The following WDPCP variants were observed in gnomAD, a reference collection of about 807,000 sequenced individuals.
The protein encoded by WDPCP is WD repeat-containing and planar cell polarity effector protein fritz homolog.
In WDPCP, 71 loss-of-function variants were observed where a neutral mutation model predicts 93.1. The ratio of observed to expected loss-of-function variants is 0.76; its 90% CI spans 0.63 to 0.93. The LOEUF is 0.93. Ranked by LOEUF, WDPCP falls within the 40% of genes least tolerant of loss-of-function variation. The pLI is 0.00. For missense variants in WDPCP, 844 were observed against 887.4 expected, an observed-to-expected ratio of 0.95 and a Z score of 0.62; for synonymous variants, 315 against 315.0, an observed-to-expected ratio of 1.00 and a Z score of 0.00.
chr2:63,428,017 T>C (rs756284163), intron 9 of WDPCP, among the ~76,000 whole-genome samples: 12 of 151,916 alleles, frequency 7.9e-5, no homozygotes, highest in African/African-American at 4.8e-5. Flanking sequence ...CCCCTCAAGA[T>C]TGAACCAGAA....
intron 17 of WDPCP, among the ~76,000 whole-genome samples, chr2:63,130,725 T>C (rs1670236333): frequency 6.6e-6 from 1 of 152,042 alleles, no homozygotes; most frequent in African/African-American, 2.4e-5. Flanking sequence ...GTCTGTAGTG[T>C]TTTTCAAGTC....
chr2:63,280,486 G>T (rs2104929486), intron 13 of WDPCP, among the ~76,000 whole-genome samples: 1 of 152,064 alleles, frequency 6.6e-6, no homozygotes, highest in Admixed American at 6.6e-5. Context: ...TTTGGGTGGG[G>T]ACACAGCCAA....
intron 2 of WDPCP, among the ~76,000 whole-genome samples, chr2:63,689,790 C>T (rs1370387389): frequency 1.3e-5 from 2 of 152,140 alleles, no homozygotes; most frequent in Non-Finnish European, 2.9e-5. Flanking sequence ...GTGCATAATT[C>T]AGCTGCTCAG....
intron 3 of WDPCP, chr2:63,622,328 C>T (rs1709751035): frequency 1.3e-6 from 2 of 1,597,766 alleles, no homozygotes; most frequent in South Asian, 2.2e-5. Flanking sequence ...CGCCTTGCAG[C>T]TTAGTCAAGA....
chr2:63,142,457 T>C (rs1356663620), intron 17 of WDPCP, among the ~76,000 whole-genome samples: 1 of 152,206 alleles, frequency 6.6e-6, no homozygotes, highest in Non-Finnish European at 1.5e-5. Flanking sequence ...AAGGTTCCTT[T>C]TGGAGTTGAT....
upstream of WDPCP, among the ~76,000 whole-genome samples, chr2:63,828,598 A>T (rs990319252): frequency 4.6e-5 from 7 of 152,112 alleles, no homozygotes; most frequent in Non-Finnish European, 7.4e-5. Flanking sequence ...TTTTAGGCAG[A>T]TGAGGTTTTC....
intron 2 of WDPCP, among the ~76,000 whole-genome samples, chr2:63,708,285 C>G (rs1169755844): frequency 6.6e-6 from 1 of 152,226 alleles, no homozygotes; most frequent in East Asian, 1.9e-4. Flanking sequence ...ACAGTTTGAG[C>G]TTCCCGGCCG....
At chr2:63,668,332 AAC>A (rs1383776852) in intron 2 of WDPCP, among the ~76,000 whole-genome samples, 6 of 152,196 alleles carry the variant, frequency 3.9e-5, no homozygotes, top group Admixed American at 3.9e-4. Flanking sequence ...TGGAGAAGAC[AAC>A]AAAAAAGATT....
chr2:63,425,878 C>T (rs1232262813), intron 9 of WDPCP, among the ~76,000 whole-genome samples: 1 of 152,122 alleles, frequency 6.6e-6, no homozygotes, highest in Non-Finnish European at 1.5e-5. Flanking sequence ...TACAGAGAAC[C>T]CATGCAAGAT....
At chr2:63,296,132 A>G (rs1284734912) in intron 13 of WDPCP, among the ~76,000 whole-genome samples, 1 of 152,078 alleles carries the variant, frequency 6.6e-6, no homozygotes, top group African/African-American at 2.4e-5. Context: ...GGATGGTTCA[A>G]CATTCACAAA....
chr2:63,148,167 A>C (rs1408711595), intron 17 of WDPCP, among the ~76,000 whole-genome samples: 1 of 151,980 alleles, frequency 6.6e-6, no homozygotes, highest in Non-Finnish European at 1.5e-5. Context: ...GATACCAATT[A>C]ATGTCTTTCT....
At chr2:63,588,808 C>A (rs1709068157), upstream of WDPCP, 2 of 593,672 alleles carry the variant, frequency 3.4e-6, no homozygotes, top group Admixed American at 3.0e-5. Flanking sequence ...GTGAGAAGAG[C>A]TTGAAAAAAA....
chr2:63,571,532 G>A (rs1454541440), intron 1 of WDPCP: 3 of 470,500 alleles, frequency 6.4e-6, no homozygotes, highest in African/African-American at 6.0e-5. Flanking sequence ...TCCAAGTATA[G>A]ACTTCCTTTC....
At position 63,733,449 on chromosome 2, in the gene WDPCP, G is replaced by A. The variant is rs544375703; in HGVS notation, n.308+80173C>T. Among the ~76,000 whole-genome samples the A allele has an allele frequency of 4.8e-5, 7 of 146,808 alleles. No individual in the cohort carries two copies. The South Asian group carries it at 1.1e-3, about 22-fold the overall frequency. On this transcript the variant is annotated intron_variant and non_coding_transcript_variant, in intron 2 of 4. Transcript: ENST00000467687. ...GATCTCCTGACCTCATGATCCACCC[G>A]CCTCGGCCTCCCAAAGTGCTGGGAT...
chr2:63,159,979 T>A (rs1458721326), intron 15 of WDPCP, among the ~76,000 whole-genome samples: 1 of 152,330 alleles, frequency 6.6e-6, no homozygotes, highest in East Asian at 1.9e-4. Context: ...TATGCTTCCA[T>A]GTACCTCCAT....
rs115461439 is a variant in WDPCP, at chr2:63,749,541, A to G, written n.308+64081T>C. On this transcript the variant is annotated intron_variant and non_coding_transcript_variant, in intron 2 of 4. Transcript: ENST00000467687. Reference sequence around the variant, plus strand: ...GTTAATAAATTACATAAAATATTCAACACTTTATTATAAAATAGGCTTTGT... The same window carrying G: ...GTTAATAAATTACATAAAATATTCAGCACTTTATTATAAAATAGGCTTTGT... 4.1e-3 allele frequency among the ~76,000 whole-genome samples: 624 copies of G among 152,184 alleles called. 3 individuals carry two copies. Among genetic ancestry groups the G allele is most frequent in the African/African-American group, 0.014 (584 of 41,554 alleles).
intron 14 of WDPCP, chr2:63,228,941 T>C (rs931885168): frequency 1.3e-5 from 2 of 152,188 alleles, no homozygotes; most frequent in African/African-American, 2.4e-5. Context: ...CCTTTGGGTA[T>C]ATACCCAGTA....
At chr2:63,805,226 G>A (rs542453886) in intron 2 of WDPCP, among the ~76,000 whole-genome samples, 30 of 152,188 alleles carry the variant, frequency 2.0e-4, no homozygotes, top group African/African-American at 6.7e-4. Context: ...CTTTCTACTG[G>A]GTTTTGAACC....
At chr2:63,392,545 T>G (rs1237039695) in intron 10 of WDPCP, among the ~76,000 whole-genome samples, 1 of 152,118 alleles carries the variant, frequency 6.6e-6, no homozygotes, top group African/African-American at 2.4e-5. Context: ...TGGGATCTAA[T>G]TAAACTAAAG....
Sources: allele counts gnomAD v4.1 joint callset (sites outside exome capture counted in the v4.1 genomes callset), GRCh38; gene constraint gnomAD v4.1.1; transcripts MANE v1.5; gene names NCBI Gene and HGNC (gene_info 2026-07-23, HGNC 2026-07-21).